The following GCNT1 variants were observed in gnomAD, a reference collection of about 807,000 sequenced individuals.
GCNT1 encodes glucosaminyl (N-acetyl) transferase 1.
In GCNT1, 16 loss-of-function variants were observed where a neutral mutation model predicts 26.2. That is an observed-to-expected ratio of 0.61 (90% CI 0.41 to 0.93). The LOEUF (loss-of-function observed/expected upper bound fraction) is 0.93. Ranked by LOEUF, GCNT1 falls within the 40% of genes least tolerant of loss-of-function variation. The pLI is 0.00. For missense variants in GCNT1, 477 were observed against 526.7 expected, an observed-to-expected ratio of 0.91 and a Z score of 0.92; for synonymous variants, 183 against 190.8, an observed-to-expected ratio of 0.96 and a Z score of 0.34.
upstream of GCNT1, among the ~76,000 whole-genome samples, chr9:76,418,261 C>G (rs996020298): frequency 2.0e-5 from 3 of 152,080 alleles, no homozygotes; most frequent in Non-Finnish European, 4.4e-5. Context: ...GTTGTGGAAA[C>G]CAAAGTTTTA....
At chr9:76,428,900 G>C (rs958053094) in intron 1 of GCNT1, among the ~76,000 whole-genome samples, 5 of 151,902 alleles carry the variant, frequency 3.3e-5, no homozygotes, top group African/African-American at 1.2e-4. Flanking sequence ...AGGTTTCTCC[G>C]TGTTGGTCAG....
At chr9:76,454,549 C>T (rs987727465), upstream of GCNT1, among the ~76,000 whole-genome samples, 1 of 142,882 alleles carries the variant, frequency 7.0e-6, no homozygotes, top group Admixed American at 6.9e-5. Flanking sequence ...CCCACCCAAA[C>T]CCCACCCAAA....
chr9:76,503,423 C>T lies in GCNT1; in HGVS notation c.1042C>T (p.Gln348Ter). ...CCATAAGTATGATCTGTCTGACATGCAAGCAGTTGCCAGGTTTGTCAAGTG... is the reference window on the plus strand; with the variant it reads ...CCATAAGTATGATCTGTCTGACATGTAAGCAGTTGCCAGGTTTGTCAAGTG... Reference protein sequence around the residue: ...ASHKYDLSDMQAVARFVKWQY... With the variant: ...ASHKYDLSDM The change falls in exon 4 of 4, where the codon CAA becomes TAA. Residue 348 changes from glutamine (Q) to a stop codon, truncating the protein, a stop_gained. Coordinates refer to ENST00000376730, the MANE Select transcript of GCNT1 (RefSeq NM_001490.5). LOFTEE classifies it high-confidence loss of function. 1.2e-6 allele frequency: 2 copies of T among 1,614,148 alleles called. No homozygotes were observed. Among genetic ancestry groups the T allele is most frequent in the Non-Finnish European group, 8.5e-7 (1 of 1,180,020 alleles).
chr9:76,423,539 C>T (rs1450349037), intron 1 of GCNT1, among the ~76,000 whole-genome samples: 1 of 152,196 alleles, frequency 6.6e-6, no homozygotes, highest in African/African-American at 2.4e-5. Flanking sequence ...TCTGTTATAA[C>T]AGCACAAAAC....
intron 2 of GCNT1, among the ~76,000 whole-genome samples, chr9:76,486,573 C>T (rs1349899974): frequency 6.6e-6 from 1 of 152,184 alleles, no homozygotes; most frequent in Non-Finnish European, 1.5e-5. Flanking sequence ...TTCCTGAGAT[C>T]TCCAAGTCAG....
intron 2 of GCNT1, among the ~76,000 whole-genome samples, chr9:76,467,897 GTTTTTTTTTTTTT>G (rs35387152): frequency 1.7e-5 from 1 of 59,054 alleles, no homozygotes; most frequent in Non-Finnish European, 3.1e-5. Context: ...CTCTTTCAGT[GTTTTTTTTTTTTT>G]TTTTTTTTTT....
Position 76,488,572 on chromosome 9 carries a change from C to T in GCNT1, c.-289-12344C>T, listed in dbSNP as rs554223255. On this transcript the variant is annotated intron_variant, in intron 2 of 3. Transcript: ENST00000376730. Reference sequence around the variant, plus strand: ...CAGTCTCCGCTCACTACAACCTCTTCCTCCTGGGTTCAAGCGATTGTTCTG... The same window carrying T: ...CAGTCTCCGCTCACTACAACCTCTTTCTCCTGGGTTCAAGCGATTGTTCTG... Among the ~76,000 whole-genome samples the T allele has an allele frequency of 2.0e-5, 3 of 152,294 alleles. No individual in the cohort carries two copies. The East Asian group carries it at 5.8e-4, about 29-fold the overall frequency.
intron 2 of GCNT1, among the ~76,000 whole-genome samples, chr9:76,470,692 A>G (rs1824112206): frequency 6.6e-6 from 1 of 151,986 alleles, no homozygotes; most frequent in Non-Finnish European, 1.5e-5. Context: ...TGTACATTTT[A>G]TCATTCCATA....
chr9:76,398,119 T>G, the GCNT1 span, among the ~76,000 whole-genome samples: 2 of 150,840 alleles, frequency 1.3e-5, no homozygotes, highest in Non-Finnish European at 3.0e-5. Context: ...ACTTCTCTGG[T>G]TTAATTTGTC....
the GCNT1 span, among the ~76,000 whole-genome samples, chr9:76,396,116 C>T: frequency 6.6e-6 from 1 of 152,170 alleles, no homozygotes; most frequent in Non-Finnish European, 1.5e-5. Context: ...ATCCCTGGGT[C>T]TTACGCCACT....
At chr9:76,430,768 C>G (rs191855317) in intron 1 of GCNT1, among the ~76,000 whole-genome samples, 2 of 152,278 alleles carry the variant, frequency 1.3e-5, no homozygotes, top group Admixed American at 6.5e-5. Context: ...ACTGCAACCT[C>G]CGCCTCCCAG....
intron 2 of GCNT1, among the ~76,000 whole-genome samples, chr9:76,462,711 T>C (rs1481856181): frequency 6.6e-6 from 1 of 152,224 alleles, no homozygotes; most frequent in Non-Finnish European, 1.5e-5. Context: ...AGAGAAGCTA[T>C]TTGTAAATTT....
the GCNT1 span, among the ~76,000 whole-genome samples, chr9:76,407,249 A>T: frequency 1.3e-5 from 2 of 151,928 alleles, no homozygotes; most frequent in Admixed American, 1.3e-4. Flanking sequence ...TTTATATATT[A>T]TAATAGAGTT....
chr9:76,503,496 G>A lies in GCNT1; in HGVS notation c.1115G>A (p.Cys372Tyr), dbSNP rs760020490. 5 of 1,614,094 alleles carry A rather than the reference G, an allele frequency of 3.1e-6. No homozygotes were observed. In the African/African-American group the frequency reaches 6.7e-5, roughly 22 times the overall value. Residue 372 changes from cysteine (C) to tyrosine (Y), a missense_variant, in exon 4 of 4, where the codon TGC becomes TAC. By Grantham distance (194) the Cys-to-Tyr change is radical (BLOSUM62 -2). Transcript: ENST00000376730. ...DVSKGAPYPP[C>Y]DGVHVRSVCI... Reference sequence around the variant, plus strand: ...TCCAAGGGTGCTCCCTACCCGCCCTGCGATGGAGTCCATGTGCGCTCAGTG... The same window carrying A: ...TCCAAGGGTGCTCCCTACCCGCCCTACGATGGAGTCCATGTGCGCTCAGTG...
intron 2 of GCNT1, among the ~76,000 whole-genome samples, chr9:76,479,457 A>G (rs1824356935): frequency 6.6e-6 from 1 of 152,178 alleles, no homozygotes; most frequent in African/African-American, 2.4e-5. Flanking sequence ...CAATGGTTGA[A>G]CCAGTTTACA....
At chr9:76,400,595 C>G in the GCNT1 span, among the ~76,000 whole-genome samples, 1 of 152,246 alleles carries the variant, frequency 6.6e-6, no homozygotes, top group Non-Finnish European at 1.5e-5. Context: ...GCTCCTGCCT[C>G]TACATTCTCT....
At chr9:76,475,447 C>A (rs1474464647) in intron 2 of GCNT1, among the ~76,000 whole-genome samples, 1 of 152,214 alleles carries the variant, frequency 6.6e-6, no homozygotes. Flanking sequence ...CTATAAGGCA[C>A]ACTTAACACA....
chr9:76,499,855 C>T (rs866514902), intron 2 of GCNT1, among the ~76,000 whole-genome samples: 12 of 152,084 alleles, frequency 7.9e-5, no homozygotes, highest in South Asian at 4.2e-4. Flanking sequence ...TTTTTTTCAA[C>T]TATTTTTCTA....
rs1213859567 is a variant in GCNT1, at chr9:76,506,139, A to G, written c.*2471A>G. 6.0e-6 allele frequency: 1 copy of G among 167,104 alleles called. No homozygotes were observed. The highest frequency in any genetic ancestry group is 1.5e-5 in the Non-Finnish European group (1 of 68,126). The allele number at this position is 167,104 out of a possible 1,614,324, so 10.4% of individuals were successfully genotyped here. ...ATGGTTTGAAAAGGAAACCTATGAT[A>G]CATGCAGGAGAAGCAAAACCCAAGT... is the stretch of plus-strand genomic sequence containing the variant. On this transcript the variant is annotated 3_prime_UTR_variant, in exon 4 of 4. Coordinates refer to ENST00000376730, the MANE Select transcript of GCNT1 (RefSeq NM_001490.5).
Sources: allele counts gnomAD v4.1 joint callset (sites outside exome capture counted in the v4.1 genomes callset), GRCh38; gene constraint gnomAD v4.1.1; transcripts MANE v1.5; gene names NCBI Gene and HGNC (gene_info 2026-07-23, HGNC 2026-07-21).